Variants in FRMD3 observed in about 807,000 individuals in gnomAD.
FRMD3 encodes the protein FERM domain-containing protein 3.
A neutral mutation model predicts 70.2 loss-of-function variants in FRMD3; 33 were observed. The ratio of observed to expected loss-of-function variants is 0.47; its 90% confidence interval spans 0.36 to 0.63. The LOEUF is 0.63. FRMD3 is among the 20% of genes least tolerant of loss of function. FRMD3 has a pLI of 0.00. For synonymous variants in FRMD3, 279 were observed against 255.9 expected (o/e 1.09, Z -0.86); for missense variants, 632 against 711.4 (o/e 0.89, Z 1.27).
At chr9:83,466,057 A>G in intron 1 of FRMD3, among the ~76,000 whole-genome samples, 1 of 152,222 alleles carries the variant, frequency 6.6e-6, no homozygotes, top group East Asian at 1.9e-4. Flanking sequence ...ACCTGGGTTC[A>G]TCAATACCCC....
At chr9:83,574,401 A>C in the FRMD3 span, among the ~76,000 whole-genome samples, 1 of 152,244 alleles carries the variant, frequency 6.6e-6, no homozygotes, top group African/African-American at 2.4e-5. Flanking sequence ...TATTAGAGAT[A>C]ATAAACTACA....
At chr9:83,568,199 C>T in the FRMD3 span, among the ~76,000 whole-genome samples, 6 of 152,208 alleles carry the variant, frequency 3.9e-5, no homozygotes, top group African/African-American at 1.4e-4. Context: ...TCTCATGAGA[C>T]TTATTCACTA....
intron 1 of FRMD3, among the ~76,000 whole-genome samples, chr9:83,393,620 T>G (rs1188745974): frequency 6.6e-6 from 1 of 152,076 alleles, no homozygotes; most frequent in African/African-American, 2.4e-5. Context: ...TGGGAGACAG[T>G]GACAGATCAT....
At chr9:83,539,066 A>T (rs1267347823), upstream of FRMD3, among the ~76,000 whole-genome samples, 4 of 152,144 alleles carry the variant, frequency 2.6e-5, no homozygotes, top group East Asian at 3.9e-4. Flanking sequence ...ATCTCCCAAC[A>T]TCTTAGTGTG....
chr9:83,394,710 G>A (rs1385613223), intron 1 of FRMD3, among the ~76,000 whole-genome samples: 3 of 152,048 alleles, frequency 2.0e-5, no homozygotes, highest in Admixed American at 6.6e-5. Flanking sequence ...CTCACAGAAC[G>A]GGTTGGATTT....
chr9:83,328,454 A>T (rs965714585), intron 6 of FRMD3, among the ~76,000 whole-genome samples: 2 of 152,188 alleles, frequency 1.3e-5, no homozygotes, highest in African/African-American at 4.8e-5. Context: ...TCATTTTATA[A>T]CTACTGCTTT....
chr9:83,382,552 C>T (rs945708639), intron 2 of FRMD3, among the ~76,000 whole-genome samples: 4 of 152,110 alleles, frequency 2.6e-5, no homozygotes, highest in African/African-American at 7.2e-5. Context: ...ATAGGATTTG[C>T]CCTGGTCTTC....
chr9:83,482,546 G>A (rs984717171), intron 1 of FRMD3, among the ~76,000 whole-genome samples: 2 of 151,974 alleles, frequency 1.3e-5, no homozygotes, highest in African/African-American at 4.8e-5. Context: ...GTACAATGTG[G>A]GATTACAAGC....
chr9:83,350,905 G>A, intron 3 of FRMD3: 1 of 494,634 alleles, frequency 2.0e-6, no homozygotes, highest in African/African-American at 2.1e-5. Flanking sequence ...GTAGTGAGAT[G>A]CATTCAGATT....
intron 13 of FRMD3, among the ~76,000 whole-genome samples, chr9:83,282,084 G>A (rs1833996268): frequency 6.6e-6 from 1 of 152,170 alleles, no homozygotes; most frequent in Non-Finnish European, 1.5e-5. Flanking sequence ...AGATAGCTGG[G>A]CCAGGAATGT....
chr9:83,556,908 ATTCT>A, the FRMD3 span, among the ~76,000 whole-genome samples: 1 of 152,048 alleles, frequency 6.6e-6, no homozygotes, highest in Non-Finnish European at 1.5e-5. Context: ...TGAATATTTT[ATTCT>A]TTAATTTTTG....
chr9:83,430,961 G>C lies in FRMD3; in HGVS notation c.148-41253C>G, dbSNP rs545489936. Among the ~76,000 whole-genome samples, 71 of 152,296 alleles carry C rather than the reference G, an allele frequency of 4.7e-4. 3 individuals carry two copies. In the South Asian group the frequency reaches 0.014, roughly 31 times the overall value. On this transcript the variant is annotated intron_variant, in intron 1 of 13. Coordinates refer to ENST00000304195, the MANE Select transcript of FRMD3 (RefSeq NM_174938.6). The stretch of plus-strand genomic sequence containing the variant: ...TAGATCACCTATCTGACCCCTGTAG[G>C]AATTTGATGCTTTGGCCCCTCATAT...
At position 83,493,722 on chromosome 9, in the gene FRMD3, C is replaced by A. The variant is rs146460066; in HGVS notation, c.147+44363G>T. 3.9e-5 allele frequency among the ~76,000 whole-genome samples: 6 copies of A among 152,190 alleles called. No individual in the cohort carries two copies. In the East Asian group the frequency reaches 1.2e-3, roughly 29 times the overall value. On this transcript the variant is annotated intron_variant, in intron 1 of 13. Coordinates refer to ENST00000304195, the MANE Select transcript of FRMD3 (RefSeq NM_174938.6). ...GTTCTCAAACTTATTGCTCACAGAA[C>A]CCCCATAAACATCTCAAGGATCAGA...
chr9:83,395,803 C>T (rs956988831), intron 1 of FRMD3, among the ~76,000 whole-genome samples: 1 of 151,814 alleles, frequency 6.6e-6, no homozygotes, highest in Admixed American at 6.6e-5. Context: ...GATTTCAGTC[C>T]CCAATTCCTA....
At chr9:83,430,246 T>C (rs1826932809) in intron 1 of FRMD3, among the ~76,000 whole-genome samples, 1 of 152,100 alleles carries the variant, frequency 6.6e-6, no homozygotes. Flanking sequence ...GAGACCTTCC[T>C]AAAACACAAC....
intron 13 of FRMD3, among the ~76,000 whole-genome samples, chr9:83,269,550 T>G (rs1833448347): frequency 6.6e-6 from 1 of 151,908 alleles, no homozygotes; most frequent in Non-Finnish European, 1.5e-5. Flanking sequence ...CTATTAAAAA[T>G]ACAAAAAAAT....
At chr9:83,572,170 T>C in the FRMD3 span, among the ~76,000 whole-genome samples, 1 of 151,732 alleles carries the variant, frequency 6.6e-6, no homozygotes, top group Non-Finnish European at 1.5e-5. Flanking sequence ...TGTGTGTGTG[T>C]GTGCATGCGC....
At chr9:83,331,834 G>A in intron 6 of FRMD3, 1 of 717,334 alleles carries the variant, frequency 1.4e-6, no homozygotes, top group Non-Finnish European at 2.6e-6. Flanking sequence ...GGTGCCCACT[G>A]TTTCCAGCTC....
the FRMD3 span, among the ~76,000 whole-genome samples, chr9:83,572,122 A>G: frequency 6.6e-6 from 1 of 151,586 alleles, no homozygotes; most frequent in Non-Finnish European, 1.5e-5. Context: ...GAAATGGAGC[A>G]ATAGATAGAT....
Sources: allele counts gnomAD v4.1 joint callset (sites outside exome capture counted in the v4.1 genomes callset), GRCh38; gene constraint gnomAD v4.1.1; transcripts MANE v1.5; gene names NCBI Gene and HGNC (gene_info 2026-07-23, HGNC 2026-07-21).